FRMD4B: variants seen among roughly 807,000 people sequenced by gnomAD.
FRMD4B encodes FERM domain-containing protein 4B.
In FRMD4B, 74 loss-of-function variants were observed where a neutral mutation model predicts 141.5. That is an observed-to-expected ratio of 0.52 (90% CI 0.43 to 0.63). The LOEUF (loss-of-function observed/expected upper bound fraction) is 0.63. Ranked by LOEUF, FRMD4B falls within the 30% of genes least tolerant of loss-of-function variation. FRMD4B has a pLI of 0.00. For missense variants in FRMD4B, 1,366 were observed against 1,253.4 expected (o/e 1.09, Z -1.36); for synonymous variants, 506 against 467.9 (o/e 1.08, Z -1.05).
intron 2 of FRMD4B, among the ~76,000 whole-genome samples, chr3:69,429,046 G>C (rs1705132521): frequency 6.6e-6 from 1 of 152,078 alleles, no homozygotes; most frequent in Non-Finnish European, 1.5e-5. Flanking sequence ...CACCATTTTG[G>C]CAGCTTTTTT....
chr3:69,256,132 G>A (rs2093491482), intron 5 of FRMD4B, among the ~76,000 whole-genome samples: 1 of 152,040 alleles, frequency 6.6e-6, no homozygotes, highest in Admixed American at 6.6e-5. Context: ...GGGACTATTT[G>A]GATGCTGTCT....
At chr3:69,238,600 A>C (rs1423306423) in intron 7 of FRMD4B, among the ~76,000 whole-genome samples, 1 of 152,200 alleles carries the variant, frequency 6.6e-6, no homozygotes, top group East Asian at 1.9e-4. Flanking sequence ...CCTAGGCAAC[A>C]CAGTGAAATC....
chr3:69,489,158 C>T (rs1706265895), intron 1 of FRMD4B, among the ~76,000 whole-genome samples: 1 of 151,292 alleles, frequency 6.6e-6, no homozygotes, highest in African/African-American at 2.4e-5. Context: ...AACTTATATC[C>T]AGAATATATA....
At chr3:69,278,666 A>G (rs2093630071) in intron 5 of FRMD4B, among the ~76,000 whole-genome samples, 1 of 151,196 alleles carries the variant, frequency 6.6e-6, no homozygotes, top group Non-Finnish European at 1.5e-5. Flanking sequence ...GGCTTACTGC[A>G]ACCTCCACCT....
intron 2 of FRMD4B, among the ~76,000 whole-genome samples, chr3:69,432,403 G>A (rs1248164014): frequency 6.6e-6 from 1 of 152,052 alleles, no homozygotes; most frequent in Non-Finnish European, 1.5e-5. Flanking sequence ...CAACTTTGGG[G>A]TGTTTGACTT....
chr3:69,287,951 GCTTT>G (rs1700745263), intron 4 of FRMD4B, 115 bp from the exon 5 acceptor site: 1 of 595,070 alleles, frequency 1.7e-6, no homozygotes, highest in Non-Finnish European at 3.0e-6. Flanking sequence ...GGAAGGTTGT[GCTTT>G]CTTTTCCGTT....
intron 1 of FRMD4B, among the ~76,000 whole-genome samples, chr3:69,523,243 T>C (rs1700880379): frequency 6.6e-6 from 1 of 152,096 alleles, no homozygotes; most frequent in Non-Finnish European, 1.5e-5. Context: ...ATGAAGAAAT[T>C]AATCCAGCCT....
rs1705722301 is a variant in FRMD4B, at chr3:69,462,480, G to T, written c.-128-29719C>A. On this transcript the variant is annotated intron_variant, in intron 1 of 5. Transcript: ENST00000459638. ...GAACTGTCTGAAGACAACTTCTGGGGTAGGCCCAGGGCCACTAACAGCACA... is the reference window on the plus strand; with the variant it reads ...GAACTGTCTGAAGACAACTTCTGGGTTAGGCCCAGGGCCACTAACAGCACA... Among the ~76,000 whole-genome samples, 2 of 152,194 alleles carry T rather than the reference G, an allele frequency of 1.3e-5. 1 individual carries two copies. Among genetic ancestry groups the T allele is most frequent in the Non-Finnish European group, 2.9e-5 (2 of 68,036 alleles).
intron 2 of FRMD4B, among the ~76,000 whole-genome samples, chr3:69,427,485 T>C (rs1705103196): frequency 6.6e-6 from 1 of 150,794 alleles, no homozygotes; most frequent in Non-Finnish European, 1.5e-5. Flanking sequence ...ACATGAACCT[T>C]AGGGAGAAGA....
chr3:69,366,505 G>A (rs1703661722), intron 1 of FRMD4B, among the ~76,000 whole-genome samples: 1 of 122,670 alleles, frequency 8.2e-6, no homozygotes, highest in African/African-American at 3.4e-5. Flanking sequence ...AGTATAGGGT[G>A]ATCTCACCTC....
chr3:69,506,761 C>A (rs1299579694), intron 1 of FRMD4B, among the ~76,000 whole-genome samples: 1 of 151,958 alleles, frequency 6.6e-6, no homozygotes, highest in Non-Finnish European at 1.5e-5. Context: ...CCAGGCTGAT[C>A]CTGAACTCCT....
At chr3:69,190,978 A>G (rs578101060) in intron 17 of FRMD4B, among the ~76,000 whole-genome samples, 1 of 152,362 alleles carries the variant, frequency 6.6e-6, no homozygotes, top group East Asian at 1.9e-4. Context: ...AGGCGTTAGA[A>G]TAACGGATGT....
intron 1 of FRMD4B, among the ~76,000 whole-genome samples, chr3:69,350,579 G>A (rs1410491372): frequency 1.3e-5 from 2 of 152,088 alleles, no homozygotes; most frequent in Non-Finnish European, 2.9e-5. Flanking sequence ...CAATCCAAAT[G>A]TCCAACAGTG....
At chr3:69,180,324 C>G (rs776736447) in intron 21 of FRMD4B, among the ~76,000 whole-genome samples, 1 of 150,636 alleles carries the variant, frequency 6.6e-6, no homozygotes, top group South Asian at 2.1e-4. Context: ...AGGATTCTTA[C>G]GAGCCTTATG....
At chr3:69,190,174 A>G (rs57343254) in intron 17 of FRMD4B, among the ~76,000 whole-genome samples, 9,617 of 152,288 alleles carry the variant, frequency 0.063, 734 homozygotes, top group East Asian at 0.32. Flanking sequence ...TATTTCTTAA[A>G]ATGGAACAGA....
At chr3:69,225,729 GA>G (rs2093247936) in intron 7 of FRMD4B, among the ~76,000 whole-genome samples, 2 of 15,140 alleles carry the variant, frequency 1.3e-4, no homozygotes, top group African/African-American at 4.0e-4. Context: ...AAAAAAAAAA[GA>G]GGGAGAACAC....
chr3:69,185,582 T>C (rs1270072630), intron 19 of FRMD4B, among the ~76,000 whole-genome samples: 3 of 152,188 alleles, frequency 2.0e-5, no homozygotes, highest in African/African-American at 7.2e-5. Context: ...TTGATTCCCA[T>C]GTTTACTAGT....
At chr3:69,190,813 GC>G (rs2107632609) in intron 17 of FRMD4B, among the ~76,000 whole-genome samples, 1 of 152,272 alleles carries the variant, frequency 6.6e-6, no homozygotes, top group African/African-American at 2.4e-5. Flanking sequence ...AGGATTTCCA[GC>G]CTCCCTGGTT....
intron 4 of FRMD4B, among the ~76,000 whole-genome samples, chr3:69,294,239 C>T (rs1575701281): frequency 6.6e-6 from 1 of 152,204 alleles, no homozygotes; most frequent in Non-Finnish European, 1.5e-5. Context: ...CATTTAACTG[C>T]AGCCACACGC....
Sources: gnomAD v4.1 joint callset for allele counts (sites outside exome capture counted in the v4.1 genomes callset) on GRCh38, gnomAD v4.1.1 for gene constraint, MANE v1.5 for transcripts, NCBI Gene and HGNC (gene_info 2026-07-23, HGNC 2026-07-21) for gene names.